UBR2: variants seen among roughly 807,000 people sequenced by gnomAD.
UBR2 encodes the protein ubiquitin protein ligase E3 component n-recognin 2.
UBR2 carries 92 observed loss-of-function variants against 247.9 expected under a neutral mutation model. The observed-to-expected ratio is 0.37, with a 90% CI of 0.31 to 0.44. UBR2 has a LOEUF of 0.44. UBR2 is among the 20% of genes least tolerant of loss of function. The pLI is 1.00. For missense variants in UBR2, 1,613 were observed against 2,112.6 expected, an observed-to-expected ratio of 0.76 and a Z score of 4.64; for synonymous variants, 672 against 693.5, an observed-to-expected ratio of 0.97 and a Z score of 0.49.
chr6:42,657,216 C>T (rs1299551264), intron 26 of UBR2, among the ~76,000 whole-genome samples: 1 of 141,110 alleles, frequency 7.1e-6, no homozygotes, highest in South Asian at 2.2e-4. Context: ...GCCTGGGCGA[C>T]AGAGTGAGAC....
chr6:42,585,624 GT>G (rs931533926), intron 2 of UBR2, among the ~76,000 whole-genome samples: 1 of 151,888 alleles, frequency 6.6e-6, no homozygotes, highest in Non-Finnish European at 1.5e-5. Context: ...GTTTATTAGG[GT>G]TTTTTATAAT....
intron 11 of UBR2, chr6:42,619,359 T>C (rs1177651794): frequency 7.0e-6 from 1 of 143,536 alleles, no homozygotes; most frequent in African/African-American, 2.6e-5. Flanking sequence ...CCTTGTTTAT[T>C]CAAATGTTAT....
At chr6:42,656,113 A>G (rs1797425936) in intron 26 of UBR2, among the ~76,000 whole-genome samples, 1 of 152,156 alleles carries the variant, frequency 6.6e-6, no homozygotes, top group Non-Finnish European at 1.5e-5. Context: ...TGTCCAGTAA[A>G]CATTCATATA....
chr6:42,576,201 C>T (rs1349789832), intron 2 of UBR2, among the ~76,000 whole-genome samples: 1 of 152,154 alleles, frequency 6.6e-6, no homozygotes, highest in African/African-American at 2.4e-5. Flanking sequence ...GGTGTTATAA[C>T]TCTCAGGCTG....
intron 44 of UBR2, among the ~76,000 whole-genome samples, chr6:42,685,247 GT>G (rs1344521484): frequency 6.6e-6 from 1 of 152,088 alleles, no homozygotes; most frequent in Non-Finnish European, 1.5e-5. Context: ...AGAGGCAGAG[GT>G]TGTAGTGAGC....
At chr6:42,614,380 A>ATATGTACGTACG (rs1794362761) in intron 8 of UBR2, among the ~76,000 whole-genome samples, 1 of 131,578 alleles carries the variant, frequency 7.6e-6, no homozygotes, top group East Asian at 2.1e-4. Context: ...ATGTGTGTAT[A>ATATGTACGTACG]TATGTATGTA....
At chr6:42,616,701 T>C (rs1330195617) in intron 10 of UBR2, among the ~76,000 whole-genome samples, 1 of 152,152 alleles carries the variant, frequency 6.6e-6, no homozygotes, top group African/African-American at 2.4e-5. Context: ...GTTCTCCCTT[T>C]TAGCAGCATG....
intron 18 of UBR2, among the ~76,000 whole-genome samples, chr6:42,643,784 A>G (rs1796584606): frequency 1.3e-5 from 2 of 152,318 alleles, no homozygotes; most frequent in South Asian, 2.1e-4. Flanking sequence ...AGATCTTGAT[A>G]ATAGTTTAAT....
chr6:42,632,069 A>ATATAT (rs1554254887), intron 11 of UBR2, among the ~76,000 whole-genome samples: 39 of 114,070 alleles, frequency 3.4e-4, no homozygotes, highest in South Asian at 1.2e-3. Flanking sequence ...AAAAAAAAAA[A>ATATAT]ATATATATAT....
At position 42,659,606 on chromosome 6, in the gene UBR2, TATAG is replaced by T. The variant is rs781633906; in HGVS notation, c.3243-48_3243-45del. ...CCTGTAGTCTGCTATTTTGTGATTA[TATAG>T]AAAGTTTTGGGATCATTAATTATAT... On this transcript the variant is annotated intron_variant, in intron 29 of 46. Transcript: ENST00000372901. The surrounding 1 kb of genome is among the most constrained non-coding windows in gnomAD (Gnocchi z 4.3). The T allele has an allele frequency of 8.5e-6, 13 of 1,532,568 alleles. No individual in the cohort carries two copies. In the Middle Eastern group the frequency reaches 5.1e-4, roughly 60 times the overall value. The allele number at this position is 1,532,568 out of a possible 1,614,324, so 94.9% of individuals were successfully genotyped here.
chr6:42,613,173 C>T (rs1001899757), intron 8 of UBR2, among the ~76,000 whole-genome samples: 2 of 151,854 alleles, frequency 1.3e-5, no homozygotes, highest in Non-Finnish European at 1.5e-5. Context: ...ATTAAGAATC[C>T]TCACATCTGC....
At chr6:42,574,859 C>T (rs1791399821) in intron 2 of UBR2, among the ~76,000 whole-genome samples, 1 of 151,986 alleles carries the variant, frequency 6.6e-6, no homozygotes, top group African/African-American at 2.4e-5. Flanking sequence ...TGACCATGCC[C>T]AGTTAATTTT....
At position 42,653,606 on chromosome 6, in the gene UBR2, C is replaced by CT. The variant is rs72460060; in HGVS notation, c.2769+989dup. 4.3e-3 allele frequency among the ~76,000 whole-genome samples: 218 copies of CT among 50,626 alleles called. 11 individuals carry two copies. Among genetic ancestry groups the CT allele is most frequent in the Middle Eastern group, 0.02 (1 of 50 alleles). The allele number at this position is 50,626 out of a possible 152,430, so 33.2% of individuals were successfully genotyped here. ...TTTATGCCTTATTCCATGCTAAGCC[C>CT]TTTTTTTTTTTTTTTTTTTTTTTTT... On this transcript the variant is annotated intron_variant, in intron 25 of 46. Coordinates refer to ENST00000372901, the MANE Select transcript of UBR2 (RefSeq NM_001363705.2).
chr6:42,578,405 G>A (rs982027635), intron 2 of UBR2, among the ~76,000 whole-genome samples: 1 of 152,112 alleles, frequency 6.6e-6, no homozygotes, highest in African/African-American at 2.4e-5. Flanking sequence ...CCTCTATCCA[G>A]CAACAGAATA....
At chr6:42,642,731 T>C (rs546774500) in intron 18 of UBR2, among the ~76,000 whole-genome samples, 1 of 152,304 alleles carries the variant, frequency 6.6e-6, no homozygotes, top group African/African-American at 2.4e-5. Context: ...TGTCTTCACT[T>C]CCCTACCTTG....
intron 2 of UBR2, among the ~76,000 whole-genome samples, chr6:42,583,681 C>T (rs1483201714): frequency 1.3e-5 from 2 of 151,988 alleles, no homozygotes; most frequent in Non-Finnish European, 2.9e-5. Context: ...ACCACCAGTC[C>T]CAGCTAATTT....
At chr6:42,640,500 G>T (rs1174184134) in intron 16 of UBR2, among the ~76,000 whole-genome samples, 2 of 151,866 alleles carry the variant, frequency 1.3e-5, no homozygotes, top group African/African-American at 4.8e-5. Context: ...ATGAAATTGT[G>T]GGGGCTGAAA....
At chr6:42,580,490 G>C (rs1791810071) in intron 2 of UBR2, among the ~76,000 whole-genome samples, 1 of 152,088 alleles carries the variant, frequency 6.6e-6, no homozygotes, top group Non-Finnish European at 1.5e-5. Flanking sequence ...TGTGAGTTTT[G>C]AGTGTTTTTT....
chr6:42,617,214 AG>A, intron 10 of UBR2, 194 bp from the exon 11 acceptor site: 1 of 1,602,918 alleles, frequency 6.2e-7, no homozygotes, highest in Non-Finnish European at 8.5e-7. Context: ...TGTGGATTAG[AG>A]GTGAATCTCC....
Sources: allele counts gnomAD v4.1 joint callset (sites outside exome capture counted in the v4.1 genomes callset), GRCh38; gene constraint gnomAD v4.1.1; non-coding constraint Gnocchi (gnomAD v3.1); transcripts MANE v1.5; gene names NCBI Gene and HGNC (gene_info 2026-07-23, HGNC 2026-07-21).